The following SESN3 variants were observed in gnomAD, a reference collection of about 807,000 sequenced individuals.
SESN3 encodes sestrin-3.
SESN3 carries 21 observed loss-of-function variants against 55.3 expected under a neutral mutation model. The ratio of observed to expected loss-of-function variants is 0.38; its 90% CI spans 0.27 to 0.55. SESN3 has a LOEUF of 0.55. Among genes scored for constraint, SESN3 ranks in the 20% least tolerant of loss-of-function variants. SESN3 has a pLI of 0.76. For missense variants in SESN3, 408 were observed against 604.3 expected, an observed-to-expected ratio of 0.68 and a Z score of 3.41; for synonymous variants, 181 against 203.1, an observed-to-expected ratio of 0.89 and a Z score of 0.93.
intron 1 of SESN3, among the ~76,000 whole-genome samples, chr11:95,228,029 C>T (rs548988797): frequency 1.3e-5 from 2 of 152,244 alleles, no homozygotes; most frequent in African/African-American, 4.8e-5. Flanking sequence ...TGGTTTACCT[C>T]TCCATTCTTT....
At position 95,170,791 on chromosome 11, in the gene SESN3, G is replaced by T. The variant is rs1859835069; in HGVS notation, c.*2464C>A. The T allele has an allele frequency of 6.6e-6, 1 of 152,118 alleles. No homozygotes were observed. Among genetic ancestry groups the T allele is most frequent in the Non-Finnish European group, 1.5e-5 (1 of 68,012 alleles). 9.4% of individuals were successfully genotyped at this position (152,118 alleles called of 1,614,324 possible). ...GTTCACTGAGGTTCATAAATATATGGTGTTGTTTTTGTTTATAGTTCCAAG... is the reference window on the plus strand; with the variant it reads ...GTTCACTGAGGTTCATAAATATATGTTGTTGTTTTTGTTTATAGTTCCAAG... On this transcript the variant is annotated 3_prime_UTR_variant, in exon 10 of 10. Transcript: ENST00000536441.
At chr11:95,221,941 G>C (rs1373645210) in intron 1 of SESN3, among the ~76,000 whole-genome samples, 1 of 152,216 alleles carries the variant, frequency 6.6e-6, no homozygotes, top group Non-Finnish European at 1.5e-5. Context: ...TACCAAGGGA[G>C]TGCCTGCTGG....
intron 1 of SESN3, among the ~76,000 whole-genome samples, chr11:95,217,887 C>G (rs1430758826): frequency 6.6e-6 from 1 of 152,128 alleles, no homozygotes; most frequent in Non-Finnish European, 1.5e-5. Flanking sequence ...AAAAGATTAT[C>G]CCTATAAAAA....
chr11:95,219,363 G>C (rs934721375), intron 1 of SESN3, among the ~76,000 whole-genome samples: 3 of 151,860 alleles, frequency 2.0e-5, no homozygotes, highest in Non-Finnish European at 2.9e-5. Flanking sequence ...TTGCTGGACT[G>C]ACTTGTTTTA....
chr11:95,168,231 G>A lies in SESN3; in HGVS notation c.*5024C>T, dbSNP rs1859786022. 1 of 152,154 alleles carries A rather than the reference G, an allele frequency of 6.6e-6. No homozygotes were observed. The highest frequency in any genetic ancestry group is 1.5e-5 in the Non-Finnish European group (1 of 68,022). 9.4% of individuals were successfully genotyped at this position (152,154 alleles called of 1,614,324 possible). A position where few individuals can be genotyped will look rare whatever the true frequency, so the allele number is the denominator to read the frequency against. Reference sequence around the variant, plus strand: ...CATACCAGAAATTTCCCATTCCACTGAAGGGTTACAAGTCATTCTGGATTG... The same window carrying A: ...CATACCAGAAATTTCCCATTCCACTAAAGGGTTACAAGTCATTCTGGATTG... On this transcript the variant is annotated 3_prime_UTR_variant, in exon 10 of 10. Transcript: ENST00000536441.
chr11:95,180,877 G>A (rs561957470), intron 6 of SESN3, among the ~76,000 whole-genome samples: 3 of 152,066 alleles, frequency 2.0e-5, no homozygotes, highest in East Asian at 3.9e-4. Context: ...TTTTAAAATG[G>A]CATTTTCAAT....
At chr11:95,219,598 C>A (rs978568174) in intron 1 of SESN3, among the ~76,000 whole-genome samples, 3 of 152,130 alleles carry the variant, frequency 2.0e-5, no homozygotes, top group Non-Finnish European at 2.9e-5. Context: ...TTGATATTGG[C>A]CATCAGTTGT....
At position 95,169,610 on chromosome 11, in the gene SESN3, G is replaced by A. The variant is rs553198244; in HGVS notation, c.*3645C>T. 1 of 152,240 alleles carries A rather than the reference G, an allele frequency of 6.6e-6. No homozygotes were observed. Among genetic ancestry groups the A allele is most frequent in the East Asian group, 1.9e-4 (1 of 5,180 alleles). 9.4% of individuals were successfully genotyped at this position (152,240 alleles called of 1,614,324 possible). On this transcript the variant is annotated 3_prime_UTR_variant, in exon 10 of 10. Coordinates refer to ENST00000536441, the MANE Select transcript of SESN3 (RefSeq NM_144665.4). ...GCAAATCATTTTTATAATATGCACT[G>A]AAATTTATTTTTTCCATGAGGAATT...
chr11:95,191,377 T>C lies in SESN3; in HGVS notation c.342+27A>G, dbSNP rs370979035. On this transcript the variant is annotated intron_variant, in intron 3 of 9. Coordinates refer to ENST00000536441, the MANE Select transcript of SESN3 (RefSeq NM_144665.4). ...GAAAGAATAAGTGAGGAAGGTGTTA[T>C]GTGAACATAGGAAAATAAGCACCCA... 23 of 1,536,502 alleles carry C rather than the reference T, an allele frequency of 1.5e-5. No individual in the cohort carries two copies. In the African/African-American group the frequency reaches 2.9e-4, roughly 19 times the overall value.
At position 95,181,984 on chromosome 11, in the gene SESN3, G is replaced by A. The variant is rs987360869; in HGVS notation, c.937+2436C>T. ...TATATATGTGAATATATATGTATGC[G>A]GAGGGGTATATGTATGTATACTGAC... is the stretch of plus-strand genomic sequence containing the variant. On this transcript the variant is annotated intron_variant, in intron 6 of 9. Transcript: ENST00000536441. Among the ~76,000 whole-genome samples, 44 of 151,940 alleles carry A rather than the reference G, an allele frequency of 2.9e-4. No homozygotes were observed. In the South Asian group the frequency reaches 2.9e-3, roughly 10 times the overall value.
At chr11:95,212,486 A>G (rs1180541161) in intron 1 of SESN3, among the ~76,000 whole-genome samples, 1 of 152,124 alleles carries the variant, frequency 6.6e-6, no homozygotes, top group African/African-American at 2.4e-5. Flanking sequence ...TTCAGTTCCT[A>G]ATAGATAATA....
intron 1 of SESN3, among the ~76,000 whole-genome samples, chr11:95,215,815 T>C (rs190635237): frequency 2.0e-5 from 3 of 152,238 alleles, no homozygotes; most frequent in East Asian, 1.9e-4. Context: ...TTAGAAATCC[T>C]TGGCCGGGCG....
intron 1 of SESN3, among the ~76,000 whole-genome samples, chr11:95,194,364 T>C (rs73530838): frequency 0.026 from 3,893 of 152,154 alleles, 169 homozygotes; most frequent in African/African-American, 0.089. Context: ...TTAAATCCTT[T>C]ACTTCATTAG....
intron 4 of SESN3, among the ~76,000 whole-genome samples, chr11:95,186,498 A>AAGAACAAAATTATAGCTAGAT (rs1860170128): frequency 1.3e-5 from 2 of 151,966 alleles, no homozygotes; most frequent in African/African-American, 4.8e-5. Context: ...AGATCTGTTA[A>AAGAACAAAATTATAGCTAGAT]AGAACAAAAT....
chr11:95,173,409 CA>C, intron 9 of SESN3, 68 bp from the exon 10 acceptor site: 1 of 999,326 alleles, frequency 1.0e-6, no homozygotes, highest in South Asian at 1.4e-5. Context: ...TAGACATTCA[CA>C]AAGGTTTTTT....
At chr11:95,217,651 T>A (rs200142476) in intron 1 of SESN3, among the ~76,000 whole-genome samples, 6 of 137,902 alleles carry the variant, frequency 4.4e-5, no homozygotes, top group South Asian at 2.4e-4. Flanking sequence ...AGACTCCGTT[T>A]AAAAAAAAAA....
chr11:95,225,915 T>C (rs1478339687), intron 1 of SESN3, among the ~76,000 whole-genome samples: 1 of 152,074 alleles, frequency 6.6e-6, no homozygotes, highest in Non-Finnish European at 1.5e-5. Flanking sequence ...CCTTATTTGC[T>C]GAAGTGTCAA....
At chr11:95,186,484 G>A (rs1041173435) in intron 4 of SESN3, among the ~76,000 whole-genome samples, 2 of 151,812 alleles carry the variant, frequency 1.3e-5, no homozygotes, top group Non-Finnish European at 2.9e-5. Context: ...GGGGAGATAG[G>A]AAAAGATCTG....
intron 1 of SESN3, among the ~76,000 whole-genome samples, chr11:95,227,253 G>GACCTTGGCTCACCACA (rs1424647670): frequency 6.6e-6 from 1 of 150,564 alleles, no homozygotes; most frequent in Non-Finnish European, 1.5e-5. Flanking sequence ...GCAGTGGCGT[G>GACCTTGGCTCACCACA]ACCTTGGCTC....
Sources: allele counts gnomAD v4.1 joint callset (sites outside exome capture counted in the v4.1 genomes callset), GRCh38; gene constraint gnomAD v4.1.1; transcripts MANE v1.5; gene names NCBI Gene and HGNC (gene_info 2026-07-23, HGNC 2026-07-21).